Variants in MOB3B observed in about 807,000 individuals in gnomAD.
MOB3B encodes MOB kinase activator 3B, also known as MOB kinase activator-like 2B.
A neutral mutation model predicts 18.7 loss-of-function variants in MOB3B; 7 were observed. The ratio of observed to expected loss-of-function variants is 0.37; its 90% CI spans 0.21 to 0.70. MOB3B has a LOEUF of 0.70. MOB3B is among the 30% of genes least tolerant of loss of function. The probability of loss-of-function intolerance (pLI) is 0.52; values close to 1 mark genes in which losing one functional copy is unlikely to be tolerated. For missense variants in MOB3B, 253 were observed against 281.3 expected (o/e 0.90, Z 0.72); for synonymous variants, 111 against 99.9 (o/e 1.11, Z -0.66).
intron 2 of MOB3B, among the ~76,000 whole-genome samples, chr9:27,404,283 T>C (rs1821931736): frequency 6.6e-6 from 1 of 151,964 alleles, no homozygotes; most frequent in South Asian, 2.1e-4. Context: ...TTTATATGGC[T>C]GAATAATATT....
chr9:27,383,240 C>T (rs1271768397), intron 2 of MOB3B, among the ~76,000 whole-genome samples: 2 of 152,058 alleles, frequency 1.3e-5, no homozygotes, highest in Non-Finnish European at 1.5e-5. Context: ...GCTGTCATGG[C>T]GATGTCAAAA....
intron 2 of MOB3B, among the ~76,000 whole-genome samples, chr9:27,431,713 G>A (rs548922871): frequency 3.5e-4 from 54 of 152,300 alleles, no homozygotes; most frequent in Middle Eastern, 3.4e-3. Context: ...GTGAAGCTGG[G>A]AACTTCTGGG....
intron 1 of MOB3B, among the ~76,000 whole-genome samples, chr9:27,515,989 G>C (rs537177974): frequency 1.3e-5 from 2 of 152,308 alleles, no homozygotes; most frequent in African/African-American, 4.8e-5. Flanking sequence ...TGATAAGAAG[G>C]CCATTGAAGG....
At chr9:27,524,370 T>C (rs1820394359) in intron 1 of MOB3B, 10 of 1,613,778 alleles carry the variant, frequency 6.2e-6, no homozygotes, top group Non-Finnish European at 8.5e-6. Flanking sequence ...TCAAAAGTGT[T>C]TGTGGCTTGA....
At chr9:27,358,747 GA>G in intron 3 of MOB3B, 4 of 605,004 alleles carry the variant, frequency 6.6e-6, no homozygotes, top group South Asian at 5.8e-5. Flanking sequence ...ATAAGTGGAA[GA>G]ATGACTTTGG....
In MOB3B at chr9:27,444,238, G is replaced by GGGAGGGAAGGAAGGAAGGAA. The variant is rs1269907922; in HGVS notation, c.418+10894_418+10895insTTCCTTCCTTCCTTCCCTCC. On this transcript the variant is annotated intron_variant, in intron 2 of 3. Transcript: ENST00000262244. ...GAAAGAAAAAGAAAGGAGGGAGGGAGGGAAGGAAGGAAGGAAGGAAGGAAG... is the reference window on the plus strand; with the variant it reads ...GAAAGAAAAAGAAAGGAGGGAGGGAGGGAGGGAAGGAAGGAAGGAAGGAAGGAAGGAAGGAAGGAAGGAAG... Among the ~76,000 whole-genome samples the GGGAGGGAAGGAAGGAAGGAA allele has an allele frequency of 8.6e-4, 93 of 107,920 alleles. 1 individual carries two copies. Among genetic ancestry groups the GGGAGGGAAGGAAGGAAGGAA allele is most frequent in the African/African-American group, 3.4e-3 (89 of 26,106 alleles). The allele number at this position is 107,920 out of a possible 152,430, so 70.8% of individuals were successfully genotyped here.
In MOB3B at chr9:27,389,909, T is replaced by C. The variant is rs575192454; in HGVS notation, c.419-30673A>G. ...CCCTCTTAATCCTGGATATGGCCTC[T>C]GAATTTTTCACAACCCTCCACTCTA... On this transcript the variant is annotated intron_variant, in intron 2 of 3. Coordinates refer to ENST00000262244, the MANE Select transcript of MOB3B (RefSeq NM_024761.5). 2.8e-4 allele frequency among the ~76,000 whole-genome samples: 42 copies of C among 152,116 alleles called. 1 individual carries two copies. Among genetic ancestry groups the C allele is most frequent in the African/African-American group, 9.6e-4 (40 of 41,496 alleles).
At chr9:27,525,397 G>A (rs1485878785) in intron 1 of MOB3B, among the ~76,000 whole-genome samples, 2 of 152,184 alleles carry the variant, frequency 1.3e-5, no homozygotes, top group Admixed American at 6.5e-5. Flanking sequence ...CACATTAAAA[G>A]AGCTTATACA....
intron 2 of MOB3B, among the ~76,000 whole-genome samples, chr9:27,405,086 C>A (rs1211532022): frequency 7.4e-6 from 1 of 135,508 alleles, no homozygotes; most frequent in Non-Finnish European, 1.6e-5. Context: ...CTATTCAGAA[C>A]CTTTGTCTTT....
At chr9:27,348,563 G>A (rs1319000188) in intron 3 of MOB3B, among the ~76,000 whole-genome samples, 1 of 151,916 alleles carries the variant, frequency 6.6e-6, no homozygotes, top group Non-Finnish European at 1.5e-5. Context: ...TGAGGCAGGA[G>A]AATCGCTTGA....
rs577760576 is a variant in MOB3B, at chr9:27,529,336, G to A, written c.-199+219C>T. ...TGTTCCTGCCGGGAAGTGCACACGAGGAGCCGGCCAGAAACCCAGGCGCCG... is the reference window on the plus strand; with the variant it reads ...TGTTCCTGCCGGGAAGTGCACACGAAGAGCCGGCCAGAAACCCAGGCGCCG... On this transcript the variant is annotated intron_variant, in intron 1 of 3. Transcript: ENST00000262244. Among the ~76,000 whole-genome samples the A allele has an allele frequency of 6.5e-4, 99 of 152,316 alleles. 1 individual carries two copies. Among genetic ancestry groups the A allele is most frequent in the Non-Finnish European group, 1.1e-3 (76 of 68,024 alleles).
At chr9:27,452,559 A>G (rs1822805724) in intron 2 of MOB3B, among the ~76,000 whole-genome samples, 2 of 152,224 alleles carry the variant, frequency 1.3e-5, no homozygotes, top group African/African-American at 4.8e-5. Flanking sequence ...AATTGAAAGA[A>G]AATACATAAT....
At chr9:27,411,481 T>A (rs772108674) in intron 2 of MOB3B, among the ~76,000 whole-genome samples, 2 of 152,202 alleles carry the variant, frequency 1.3e-5, no homozygotes, top group Non-Finnish European at 2.9e-5. Flanking sequence ...AGGACAGCCA[T>A]CATCAGAGCA....
chr9:27,357,150 T>TATATATATATATATATATATATATATA (rs1419061085), intron 3 of MOB3B, among the ~76,000 whole-genome samples: 1 of 60,120 alleles, frequency 1.7e-5, no homozygotes, highest in Non-Finnish European at 3.9e-5. Flanking sequence ...ATATATGTGT[T>TATATATATATATATATATATATATATA]TTTTTTTTTG....
intron 3 of MOB3B, among the ~76,000 whole-genome samples, chr9:27,358,703 A>G (rs748580694): frequency 1.3e-5 from 2 of 152,242 alleles, no homozygotes; most frequent in Non-Finnish European, 2.9e-5. Flanking sequence ...GAGAGATAAT[A>G]TAAAATATCA....
chr9:27,365,242 G>A (rs1384634759), intron 2 of MOB3B, among the ~76,000 whole-genome samples: 1 of 151,460 alleles, frequency 6.6e-6, no homozygotes, highest in Non-Finnish European at 1.5e-5. Context: ...GGCATGGAAG[G>A]CTGCATGTTG....
rs1365834699 is a variant in MOB3B at position 27,330,368 on chromosome 9, G to A, written c.*219C>T. The A allele has an allele frequency of 5.7e-6, 3 of 523,800 alleles. No homozygotes were observed. The highest frequency in any genetic ancestry group is 3.9e-5 in the African/African-American group (2 of 51,542). The allele number at this position is 523,800 out of a possible 1,614,324, so 32.4% of individuals were successfully genotyped here. A position where few individuals can be genotyped will look rare whatever the true frequency, so the allele number is the denominator to read the frequency against. On this transcript the variant is annotated 3_prime_UTR_variant, in exon 4 of 4. Transcript: ENST00000262244. The stretch of plus-strand genomic sequence containing the variant: ...GTCAAGGGGCTGGTCCTTCTTTCAC[G>A]TTGTGGTCTGCCTCGTCCACAGGTC...
chr9:27,528,725 G>A (rs1051365393), intron 1 of MOB3B, among the ~76,000 whole-genome samples: 1 of 152,190 alleles, frequency 6.6e-6, no homozygotes, highest in Non-Finnish European at 1.5e-5. Context: ...TCAGTCGGCT[G>A]CGTAGAGAGA....
chr9:27,441,000 T>A (rs1295720490), intron 2 of MOB3B, among the ~76,000 whole-genome samples: 2 of 152,016 alleles, frequency 1.3e-5, no homozygotes, highest in Non-Finnish European at 2.9e-5. Context: ...GAGTGAGCAA[T>A]CTAGATCCCT....
Sources: allele counts gnomAD v4.1 joint callset (sites outside exome capture counted in the v4.1 genomes callset), GRCh38; gene constraint gnomAD v4.1.1; transcripts MANE v1.5; gene names NCBI Gene and HGNC (gene_info 2026-07-23, HGNC 2026-07-21).